HS6ST3: variants seen among roughly 807,000 people sequenced by gnomAD.
The protein encoded by HS6ST3 is heparan sulfate 6-O-sulfotransferase 3.
A neutral mutation model predicts 36.7 loss-of-function variants in HS6ST3; 12 were observed. The observed-to-expected ratio is 0.33, with a 90% CI of 0.21 to 0.53. The LOEUF (loss-of-function observed/expected upper bound fraction) is 0.53, where lower values mean the gene tolerates loss of function less well. Ranked by LOEUF, HS6ST3 falls within the 20% of genes least tolerant of loss-of-function variation. The probability of loss-of-function intolerance (pLI) is 0.95; values close to 1 mark genes in which losing one functional copy is unlikely to be tolerated. For synonymous variants in HS6ST3, 240 were observed against 257.5 expected (o/e 0.93, Z 0.65); for missense variants, 584 against 640.9 (o/e 0.91, Z 0.96).
intron 1 of HS6ST3, among the ~76,000 whole-genome samples, chr13:96,323,887 G>A (rs1470227344): frequency 6.6e-6 from 1 of 152,152 alleles, no homozygotes; most frequent in East Asian, 1.9e-4. Context: ...TTCGTTCAGT[G>A]CCAAGAACAG....
At chr13:96,315,038 C>T (rs893675203) in intron 1 of HS6ST3, among the ~76,000 whole-genome samples, 4 of 152,022 alleles carry the variant, frequency 2.6e-5, no homozygotes, top group African/African-American at 9.7e-5. Flanking sequence ...ATGAACAGAC[C>T]TTACCTAAAT....
chr13:96,169,634 G>A (rs1049978295), intron 1 of HS6ST3: 3 of 152,280 alleles, frequency 2.0e-5, no homozygotes, highest in Non-Finnish European at 2.9e-5. Context: ...GGAGTTCTGG[G>A]CTGTAGTGTG....
intron 1 of HS6ST3, among the ~76,000 whole-genome samples, chr13:96,418,831 C>T (rs1259865364): frequency 6.6e-6 from 1 of 152,228 alleles, no homozygotes; most frequent in African/African-American, 2.4e-5. Context: ...TCGACTCTAA[C>T]TCCAGGCTTC....
intron 1 of HS6ST3, among the ~76,000 whole-genome samples, chr13:96,357,215 A>T (rs2055214454): frequency 6.6e-6 from 1 of 152,128 alleles, no homozygotes; most frequent in Middle Eastern, 3.2e-3. Flanking sequence ...AAACTGTTTC[A>T]CCTTTTTGTC....
rs543737787 is a variant in HS6ST3, at chr13:96,392,719, T to G, written c.707+301150T>G. On this transcript the variant is annotated intron_variant, in intron 1 of 1. Coordinates refer to ENST00000376705, the MANE Select transcript of HS6ST3 (RefSeq NM_153456.4). ...AAGAAGTGAAAATAATTGGCATGGC[T>G]GAAGAGCAGTAAGCATTGGGAGACT... 5.3e-5 allele frequency among the ~76,000 whole-genome samples: 8 copies of G among 152,210 alleles called. No homozygotes were observed. The East Asian group carries it at 1.5e-3, about 29-fold the overall frequency.
chr13:96,434,131 C>T (rs182263586), intron 1 of HS6ST3, among the ~76,000 whole-genome samples: 11 of 152,230 alleles, frequency 7.2e-5, no homozygotes, highest in Admixed American at 2.6e-4. Context: ...ATCTTGATGT[C>T]AGACTTTTAG....
At chr13:96,397,476 C>T (rs1189433100) in intron 1 of HS6ST3, among the ~76,000 whole-genome samples, 2 of 152,064 alleles carry the variant, frequency 1.3e-5, no homozygotes, top group Admixed American at 6.6e-5. Flanking sequence ...TATAAATGCC[C>T]ACTTCTTTGA....
intron 1 of HS6ST3, among the ~76,000 whole-genome samples, chr13:96,477,100 T>C (rs1009276238): frequency 2.0e-5 from 3 of 152,166 alleles, no homozygotes; most frequent in African/African-American, 7.2e-5. Flanking sequence ...ACCCAGAGGC[T>C]GAGTTTAGAG....
At chr13:96,573,482 C>A (rs932345298) in intron 1 of HS6ST3, among the ~76,000 whole-genome samples, 5 of 152,040 alleles carry the variant, frequency 3.3e-5, no homozygotes, top group African/African-American at 9.7e-5. Context: ...AGAAAAGATA[C>A]AGGAAGAAGG....
At chr13:96,668,699 T>A in intron 1 of HS6ST3, among the ~76,000 whole-genome samples, 1 of 84,176 alleles carries the variant, frequency 1.2e-5, no homozygotes, top group African/African-American at 5.3e-5. Context: ...TTTTTTTTTT[T>A]TTTTTTTTTT....
At chr13:96,278,881 A>G (rs1423507270) in intron 1 of HS6ST3, among the ~76,000 whole-genome samples, 1 of 152,140 alleles carries the variant, frequency 6.6e-6, no homozygotes, top group East Asian at 1.9e-4. Flanking sequence ...TTTAAGAACA[A>G]ATTTATTGAA....
chr13:96,377,611 A>G (rs961691836), intron 1 of HS6ST3, among the ~76,000 whole-genome samples: 1 of 152,216 alleles, frequency 6.6e-6, no homozygotes, highest in Non-Finnish European at 1.5e-5. Context: ...ACATTCCTAC[A>G]GTGGATGTAA....
At chr13:96,464,936 G>T (rs1164423118) in intron 1 of HS6ST3, among the ~76,000 whole-genome samples, 2 of 145,180 alleles carry the variant, frequency 1.4e-5, no homozygotes, top group Non-Finnish European at 3.0e-5. Context: ...TACTATATTG[G>T]CAAGATGCTT....
intron 1 of HS6ST3, among the ~76,000 whole-genome samples, chr13:96,391,446 G>C (rs1280872775): frequency 2.0e-5 from 3 of 152,184 alleles, no homozygotes; most frequent in African/African-American, 2.4e-5. Flanking sequence ...GGATATGCAT[G>C]TTCTCAGCTG....
intron 1 of HS6ST3, among the ~76,000 whole-genome samples, chr13:96,317,348 A>ATATATATATATATATATAAAAT (rs2054977140): frequency 9.8e-5 from 3 of 30,464 alleles, no homozygotes; most frequent in South Asian, 1.3e-3. Flanking sequence ...ATATATATAT[A>ATATATATATATATATATAAAAT]TATATATATA....
chr13:96,673,367 G>A (rs1044763898), intron 1 of HS6ST3, among the ~76,000 whole-genome samples: 8 of 152,108 alleles, frequency 5.3e-5, no homozygotes, highest in East Asian at 1.9e-4. Context: ...CGATATCTTC[G>A]GGTAGCTATT....
chr13:96,226,520 C>CAA (rs1371685208), intron 1 of HS6ST3, among the ~76,000 whole-genome samples: 1 of 151,864 alleles, frequency 6.6e-6, no homozygotes, highest in African/African-American at 2.4e-5. Flanking sequence ...AACTCCATCT[C>CAA]AAAAAATAAT....
chr13:96,366,156 T>A (rs1015896365), intron 1 of HS6ST3, among the ~76,000 whole-genome samples: 1 of 152,210 alleles, frequency 6.6e-6, no homozygotes, highest in Non-Finnish European at 1.5e-5. Context: ...TAAATTAAAA[T>A]TTTTCATTTT....
Position 96,839,260 on chromosome 13 carries a change from A to G in HS6ST3, c.*6062A>G, listed in dbSNP as rs976008631. On this transcript the variant is annotated 3_prime_UTR_variant, in exon 2 of 2. Transcript: ENST00000376705. ...GAAGTACTTCTGGGGCTTTGATTGC[A>G]TTATTTCTCTTTTAATGTATCATTT... 2.6e-5 allele frequency: 4 copies of G among 151,194 alleles called. No homozygotes were observed. The highest frequency in any genetic ancestry group is 9.7e-5 in the African/African-American group (4 of 41,068). The allele number at this position is 151,194 out of a possible 1,614,324, so 9.4% of individuals were successfully genotyped here.
Sources: gnomAD v4.1 joint callset for allele counts (sites outside exome capture counted in the v4.1 genomes callset) on GRCh38, gnomAD v4.1.1 for gene constraint, MANE v1.5 for transcripts, NCBI Gene and HGNC (gene_info 2026-07-23, HGNC 2026-07-21) for gene names.